The following SLC27A3 variants were observed in gnomAD, a reference collection of about 807,000 sequenced individuals.
The protein encoded by SLC27A3 is solute carrier family 27 member 3.
SLC27A3 carries 60 observed loss-of-function variants against 60.1 expected under a neutral mutation model. The ratio of observed to expected loss-of-function variants is 1.00; its 90% CI spans 0.81 to 1.24. SLC27A3 has a LOEUF of 1.24. Among genes scored for constraint, SLC27A3 ranks in the 50% most tolerant of loss-of-function variants. SLC27A3 has a pLI of 0.00. For synonymous variants in SLC27A3, 455 were observed against 409.0 expected, an observed-to-expected ratio of 1.11 and a Z score of -1.36; for missense variants, 1,079 against 929.9, an observed-to-expected ratio of 1.16 and a Z score of -2.09.
chr1:153,778,246 T>G lies in SLC27A3; in HGVS notation c.1247T>G (p.Phe416Cys). The change falls in exon 5 of 10, where the codon TTC (phenylalanine) becomes TGC (cysteine). Residue 416 changes from phenylalanine (F) to cysteine (C), a missense_variant. Physicochemically the swap from Phe to Cys is radical, Grantham distance 205. Coordinates refer to ENST00000624995, the MANE Select transcript of SLC27A3 (RefSeq NM_024330.4). ...ACCTGGGAGCGTTTTGTGCGGCGCT[T>G]CGGGCCCCTGCAGGTGCTGGAGACA... The part of the protein sequence containing the change: ...PDTWERFVRR[F>C]GPLQVLETYG... The G allele has an allele frequency of 6.2e-7, 1 of 1,614,048 alleles. No individual in the cohort carries two copies.
rs768737853 is a variant in SLC27A3, at chr1:153,775,739, A to G, written c.242A>G (p.His81Arg). ...GAACTGGCCCAGCAGCGCGCCGCGCACACCTTTCTCATTCACGGCTCGCGG... is the reference window on the plus strand; with the variant it reads ...GAACTGGCCCAGCAGCGCGCCGCGCGCACCTTTCTCATTCACGGCTCGCGG... Reference protein sequence around the residue: ...LAELAQQRAAHTFLIHGSRRF... With the variant: ...LAELAQQRAARTFLIHGSRRF... Residue 81 changes from histidine to arginine, a missense_variant, in exon 1 of 10, where the codon CAC becomes CGC. His to Arg is a conservative substitution (Grantham distance 29, BLOSUM62 0). Coordinates refer to ENST00000624995, the MANE Select transcript of SLC27A3 (RefSeq NM_024330.4). The G allele has an allele frequency of 6.3e-5, 95 of 1,517,080 alleles. No homozygotes were observed. The East Asian group carries it at 2.2e-3, about 35-fold the overall frequency. The allele number at this position is 1,517,080 out of a possible 1,614,324, so 94.0% of individuals were successfully genotyped here.
chr1:153,779,602 C>G, intron 9 of SLC27A3, 129 bp downstream of exon 9: 3 of 1,138,612 alleles, frequency 2.6e-6, no homozygotes, highest in East Asian at 4.7e-5. Context: ...TAATACACTC[C>G]GTGAAGAGAA....
rs1433455597 is a variant in SLC27A3 at position 153,778,737 on chromosome 1, G to A, written c.1498G>A (p.Gly500Ser). ...APVSQQSPFL[G>S]YAGGPELAQG... ...GGTAAGCCAGCAGTCCCCATTCCTG[G>A]GCTATGCTGGCGGGCCAGAGCTGGC... The change falls in exon 7 of 10, where the codon GGC (glycine) becomes AGC (serine). Residue 500 changes from glycine (G) to serine (S), a missense_variant. Transcript: ENST00000624995. The A allele has an allele frequency of 1.2e-6, 2 of 1,613,630 alleles. No homozygotes were observed. The highest frequency in any genetic ancestry group is 3.3e-5 in the Admixed American group (2 of 60,004).
Position 153,777,225 on chromosome 1 carries a change from G to C in SLC27A3, c.1036+5G>C, listed in dbSNP as rs748918018. 10 of 1,614,166 alleles carry C rather than the reference G, an allele frequency of 6.2e-6. No homozygotes were observed. In the East Asian group the frequency reaches 1.3e-4, roughly 22 times the overall value. ...TCGTGGGCTGCATGGGCATTGGTCA[G>C]TCTCCCCAACCCCACCTTCATTAAT... is the stretch of plus-strand genomic sequence containing the variant. On this transcript the variant is annotated splice_donor_5th_base_variant and intron_variant, in intron 3 of 9. Coordinates refer to ENST00000624995, the MANE Select transcript of SLC27A3 (RefSeq NM_024330.4).
chr1:153,777,181 T>A lies in SLC27A3; in HGVS notation c.997T>A (p.Ser333Thr). ...CCTCGCCCTCCCACTCTACCACATG[T>A]CCGGTTCCCTGCTGGGCATCGTGGG... ...IYLALPLYHM[S>T]GSLLGIVGCM... The change falls in exon 3 of 10, where the codon TCC becomes ACC. Residue 333 changes from serine to threonine, a missense_variant. Physicochemically the swap from Ser to Thr is moderately conservative, Grantham distance 58. Transcript: ENST00000624995. 1.9e-6 allele frequency: 3 copies of A among 1,614,254 alleles called. No individual in the cohort carries two copies. The highest frequency in any genetic ancestry group is 2.5e-6 in the Non-Finnish European group (3 of 1,180,042).
chr1:153,777,964 G>C, intron 4 of SLC27A3, 79 bp downstream of exon 4: 1 of 1,586,110 alleles, frequency 6.3e-7, no homozygotes, highest in Non-Finnish European at 8.6e-7. Context: ...CAGGAGACAG[G>C]GAGTTGGAGG....
In SLC27A3 at chr1:153,775,995, T is replaced by C. The variant is rs1012254347; in HGVS notation, c.498T>C (p.Pro166=). The C allele has an allele frequency of 6.2e-6, 9 of 1,449,736 alleles. No homozygotes were observed. Among genetic ancestry groups the C allele is most frequent in the African/African-American group, 1.5e-5 (1 of 66,944 alleles). The allele number at this position is 1,449,736 out of a possible 1,614,324, so 89.8% of individuals were successfully genotyped here. A position where few individuals can be genotyped will look rare whatever the true frequency, so the allele number is the denominator to read the frequency against. Reference sequence around the variant, plus strand: ...GAGGAGCCGCCGCCCCTCTGTCACCTGGAGCAACTGTGGCGCTGCTCCTCC... The same window carrying C: ...GAGGAGCCGCCGCCCCTCTGTCACCCGGAGCAACTGTGGCGCTGCTCCTCC... ...RGGGAAAPLS[P]GATVALLLPA... The change falls in exon 1 of 10, where the codon CCT becomes CCC. Residue 166 remains proline (P), a synonymous_variant. Coordinates refer to ENST00000624995, the MANE Select transcript of SLC27A3 (RefSeq NM_024330.4).
chr1:153,776,086 G>A lies in SLC27A3; in HGVS notation c.589G>A (p.Val197Met). ...CAAGGCCGGCCTGCGCACTGCCTTT[G>A]TGCCCACCGCCCTGCGCCGGGGCCC... ...LAKAGLRTAFVPTALRRGPLL... is the reference protein window; with the variant it reads ...LAKAGLRTAFMPTALRRGPLL... The change falls in exon 1 of 10, where the codon GTG (valine) becomes ATG (methionine). Residue 197 changes from valine (V) to methionine (M), a missense_variant. Coordinates refer to ENST00000624995, the MANE Select transcript of SLC27A3 (RefSeq NM_024330.4). 6.7e-7 allele frequency: 1 copy of A among 1,486,376 alleles called. No individual in the cohort carries two copies. Among genetic ancestry groups the A allele is most frequent in the Non-Finnish European group, 8.8e-7 (1 of 1,132,240 alleles). The allele number at this position is 1,486,376 out of a possible 1,614,324, so 92.1% of individuals were successfully genotyped here. A position where few individuals can be genotyped will look rare whatever the true frequency, so the allele number is the denominator to read the frequency against.
chr1:153,777,948 A>G (rs904805085), intron 4 of SLC27A3, 63 bp downstream of exon 4: 2 of 1,605,562 alleles, frequency 1.2e-6, no homozygotes, highest in African/African-American at 1.3e-5. Context: ...GGAGCAGGAC[A>G]GTTGACAGGA....
rs764612952 is a variant in SLC27A3, at chr1:153,779,841, A to G, written c.1891A>G (p.Thr631Ala). The part of the protein sequence containing the change: ...FLRLQESLAT[T>A]ETFKQQKVRM... ...CTGTCCCCAGGAGTCTTTGGCCACC[A>G]CAGAGACCTTCAAACAGCAGAAAGT... is the stretch of plus-strand genomic sequence containing the variant. The change falls in exon 10 of 10, where the codon ACA becomes GCA. Residue 631 changes from threonine to alanine, a missense_variant. Coordinates refer to ENST00000624995, the MANE Select transcript of SLC27A3 (RefSeq NM_024330.4). The G allele has an allele frequency of 3.1e-6, 5 of 1,613,808 alleles. No homozygotes were observed. In the Admixed American group the frequency reaches 8.3e-5, roughly 27 times the overall value.
rs1673151079 is a variant in SLC27A3 at position 153,775,596 on chromosome 1, G to A, written c.99G>A (p.Leu33=). The A allele has an allele frequency of 3.1e-6, 5 of 1,600,562 alleles. No individual in the cohort carries two copies. In the Admixed American group the frequency reaches 8.5e-5, roughly 27 times the overall value. ...WPQLRWLPAD[L]AFAVRALCCK... ...AGTTGCGCTGGCTTCCGGCGGACTT[G>A]GCCTTTGCGGTGCGAGCTCTGTGCT... Residue 33 remains leucine (L), a synonymous_variant, in exon 1 of 10, where the codon TTG becomes TTA. Coordinates refer to ENST00000624995, the MANE Select transcript of SLC27A3 (RefSeq NM_024330.4).
Position 153,779,974 on chromosome 1 carries a change from C to T in SLC27A3, c.2024C>T (p.Ala675Val), listed in dbSNP as rs367682870. The stretch of plus-strand genomic sequence containing the variant: ...CCCCTCACAACTGCCCGGTACAGCG[C>T]CCTCCTGGCAGGAAACCTTCGAATC... ...YLPLTTARYSALLAGNLRI is the reference protein window; with the variant it reads ...YLPLTTARYSVLLAGNLRI Residue 675 changes from alanine to valine, a missense_variant, in exon 10 of 10, where the codon GCC becomes GTC. Transcript: ENST00000624995. 38 of 1,613,662 alleles carry T rather than the reference C, an allele frequency of 2.4e-5. No individual in the cohort carries two copies. The highest frequency in any genetic ancestry group is 1.6e-4 in the Middle Eastern group (1 of 6,084).
chr1:153,775,998 A>G lies in SLC27A3; in HGVS notation c.501A>G (p.Gly167=), dbSNP rs755139649. ...GGGAAAPLSP[G]ATVALLLPAG... ...GAGCCGCCGCCCCTCTGTCACCTGG[A>G]GCAACTGTGGCGCTGCTCCTCCCCG... Residue 167 remains glycine (G), a synonymous_variant, in exon 1 of 10, where the codon GGA becomes GGG. Transcript: ENST00000624995. 2 of 1,450,726 alleles carry G rather than the reference A, an allele frequency of 1.4e-6. No individual in the cohort carries two copies. Among genetic ancestry groups the G allele is most frequent in the Non-Finnish European group, 1.8e-6 (2 of 1,108,788 alleles). 89.9% of individuals were successfully genotyped at this position (1,450,726 alleles called of 1,614,324 possible). A position where few individuals can be genotyped will look rare whatever the true frequency, so the allele number is the denominator to read the frequency against.
chr1:153,779,788 T>C, intron 9 of SLC27A3, 38 bp from the exon 10 acceptor site: 3 of 1,582,398 alleles, frequency 1.9e-6, no homozygotes, highest in Non-Finnish European at 2.6e-6. Flanking sequence ...GTGGGCAGAG[T>C]CCCCTTCCCT....
chr1:153,775,465 A>T lies in SLC27A3; in HGVS notation c.-33A>T. 6.2e-7 allele frequency: 1 copy of T among 1,613,010 alleles called. No individual in the cohort carries two copies. Among genetic ancestry groups the T allele is most frequent in the Non-Finnish European group, 8.5e-7 (1 of 1,180,034 alleles). On this transcript the variant is annotated 5_prime_UTR_variant, in exon 1 of 10. Transcript: ENST00000624995. ...ATCAGGGATGTTTGCGAGCGGCTGG[A>T]ACCAGACGGTGCCGATAGAGGAAGC...
intron 5 of SLC27A3, 22 bp downstream of exon 5, chr1:153,778,377 G>T (rs898505655): frequency 1.6e-5 from 26 of 1,613,676 alleles, no homozygotes; most frequent in Non-Finnish European, 2.0e-5. Context: ...AGAGGAAACT[G>T]AAAACCCGTG....
intron 4 of SLC27A3, 111 bp downstream of exon 4, chr1:153,777,996 G>A: frequency 6.5e-7 from 1 of 1,530,404 alleles, no homozygotes; most frequent in Non-Finnish European, 8.9e-7. Flanking sequence ...AGAAGAAAAT[G>A]GCAGTGTAAG....
At position 153,776,044 on chromosome 1, in the gene SLC27A3, C is replaced by T; in HGVS notation, c.547C>T (p.Leu183Phe). Residue 183 changes from leucine to phenylalanine, a missense_variant, in exon 1 of 10, where the codon CTC (leucine) becomes TTC (phenylalanine). Transcript: ENST00000624995. ...LLPAGPEFLWLWFGLAKAGLR... is the reference protein window; with the variant it reads ...LLPAGPEFLWFWFGLAKAGLR... The stretch of plus-strand genomic sequence containing the variant: ...CCCCGCTGGCCCAGAGTTTCTGTGG[C>T]TCTGGTTCGGGCTGGCCAAGGCCGG... 6.8e-7 allele frequency: 1 copy of T among 1,460,408 alleles called. No homozygotes were observed. The highest frequency in any genetic ancestry group is 9.0e-7 in the Non-Finnish European group (1 of 1,114,802). The allele number at this position is 1,460,408 out of a possible 1,614,324, so 90.5% of individuals were successfully genotyped here. A position where few individuals can be genotyped will look rare whatever the true frequency, so the allele number is the denominator to read the frequency against.
chr1:153,775,953 C>A lies in SLC27A3; in HGVS notation c.456C>A (p.Asp152Glu), dbSNP rs370083818. 3.6e-5 allele frequency: 52 copies of A among 1,445,792 alleles called. No homozygotes were observed. Among genetic ancestry groups the A allele is most frequent in the Non-Finnish European group, 4.6e-5 (51 of 1,106,664 alleles). The allele number at this position is 1,445,792 out of a possible 1,614,324, so 89.6% of individuals were successfully genotyped here. A position where few individuals can be genotyped will look rare whatever the true frequency, so the allele number is the denominator to read the frequency against. The change falls in exon 1 of 10, where the codon GAC (aspartate) becomes GAA (glutamate). Residue 152 changes from aspartate (D) to glutamate (E), a missense_variant. Physicochemically the swap from Asp to Glu is conservative, Grantham distance 45. Coordinates refer to ENST00000624995, the MANE Select transcript of SLC27A3 (RefSeq NM_024330.4). ...GCGGCGCGGAGTTTGCCGGAGGGGACGGTGCCGCCAGAGGTGGAGGAGCCG... is the reference window on the plus strand; with the variant it reads ...GCGGCGCGGAGTTTGCCGGAGGGGAAGGTGCCGCCAGAGGTGGAGGAGCCG... Reference protein sequence around the residue: ...AGSGAEFAGGDGAARGGGAAA... With the variant: ...AGSGAEFAGGEGAARGGGAAA...
Sources: allele counts gnomAD v4.1 joint callset, GRCh38; gene constraint gnomAD v4.1.1; transcripts MANE v1.5; gene names NCBI Gene and HGNC (gene_info 2026-07-23, HGNC 2026-07-21).